The following MTUS2 variants were observed in gnomAD, a reference collection of about 807,000 sequenced individuals.
MTUS2 encodes the protein microtubule-associated tumor suppressor candidate 2.
A neutral mutation model predicts 114.1 loss-of-function variants in MTUS2; 40 were observed. The ratio of observed to expected loss-of-function variants is 0.35; its 90% CI spans 0.27 to 0.46. The LOEUF is 0.46. MTUS2 is among the 20% of genes least tolerant of loss of function. The pLI is 1.00. For synonymous variants in MTUS2, 688 were observed against 672.0 expected, an observed-to-expected ratio of 1.02 and a Z score of -0.37; for missense variants, 1,679 against 1,705.4, an observed-to-expected ratio of 0.98 and a Z score of 0.27.
At chr13:29,378,179 T>G (rs3125710) in intron 8 of MTUS2, among the ~76,000 whole-genome samples, 92,535 of 151,954 alleles carry the variant, frequency 0.61, 29,091 homozygotes, top group East Asian at 0.75. Flanking sequence ...GATTTTGGTG[T>G]TATTTATATG....
intron 5 of MTUS2, among the ~76,000 whole-genome samples, chr13:29,140,157 C>G (rs755475192): frequency 6.6e-5 from 10 of 152,130 alleles, no homozygotes; most frequent in Non-Finnish European, 1.3e-4. Flanking sequence ...TGCATAAAAT[C>G]TCTCCTGATT....
rs993206165 is a variant in MTUS2 at position 29,503,344 on chromosome 13, C to T, written c.*138C>T. On this transcript the variant is annotated 3_prime_UTR_variant, in exon 16 of 16. Transcript: ENST00000612955. ...GAATGCATCCTAGGCGCGTCCTCCT[C>T]TGATCCCCGTGTAAGACTGCCCTGG... 4.4e-6 allele frequency: 4 copies of T among 917,116 alleles called. No individual in the cohort carries two copies. In the African/African-American group the frequency reaches 6.6e-5, roughly 15 times the overall value. The allele number at this position is 917,116 out of a possible 1,614,324, so 56.8% of individuals were successfully genotyped here. A position where few individuals can be genotyped will look rare whatever the true frequency, so the allele number is the denominator to read the frequency against.
At chr13:29,224,808 A>G (rs1015471152) in intron 5 of MTUS2, among the ~76,000 whole-genome samples, 6 of 151,914 alleles carry the variant, frequency 3.9e-5, no homozygotes, top group African/African-American at 7.3e-5. Context: ...TGCCCTCCCT[A>G]TTTAGTGGTT....
chr13:29,286,755 A>G (rs984348627), intron 6 of MTUS2, among the ~76,000 whole-genome samples: 1 of 150,776 alleles, frequency 6.6e-6, no homozygotes, highest in Non-Finnish European at 1.5e-5. Flanking sequence ...CAGTGGCACG[A>G]CCTCAGCTCA....
At chr13:29,203,501 C>T (rs1464399873) in intron 5 of MTUS2, among the ~76,000 whole-genome samples, 1 of 151,820 alleles carries the variant, frequency 6.6e-6, no homozygotes, top group East Asian at 1.9e-4. Context: ...GGCTTCAGCC[C>T]CCTTTCCAGG....
chr13:28,903,252 C>CTTATT (rs552615715), intron 2 of MTUS2, among the ~76,000 whole-genome samples: 210 of 151,740 alleles, frequency 1.4e-3, no homozygotes, highest in African/African-American at 4.3e-3. Flanking sequence ...TCTTTTCTTT[C>CTTATT]TTATTTTATT....
At chr13:28,938,084 A>G (rs1164431596) in intron 2 of MTUS2, among the ~76,000 whole-genome samples, 2 of 152,116 alleles carry the variant, frequency 1.3e-5, no homozygotes, top group African/African-American at 4.8e-5. Context: ...AACATCGCTG[A>G]CTTTATTAAA....
chr13:29,441,060 T>C (rs1877809265), intron 9 of MTUS2, among the ~76,000 whole-genome samples: 1 of 152,218 alleles, frequency 6.6e-6, no homozygotes, highest in South Asian at 2.1e-4. Flanking sequence ...CAATGGTCTC[T>C]TCTCCTCTCT....
intron 2 of MTUS2, among the ~76,000 whole-genome samples, chr13:29,023,493 C>T (rs1593391685): frequency 6.6e-6 from 1 of 152,076 alleles, no homozygotes; most frequent in African/African-American, 2.4e-5. Context: ...TTTTCTTGGT[C>T]GAATCATTTG....
intron 8 of MTUS2, among the ~76,000 whole-genome samples, chr13:29,436,819 CT>C (rs10715829): frequency 0.98 from 134,318 of 137,500 alleles, 65,604 homozygotes; most frequent in East Asian, 0.99. Context: ...TCTTTTCTTG[CT>C]TTTTTTTTTT....
intron 2 of MTUS2, among the ~76,000 whole-genome samples, chr13:28,842,678 G>A (rs1025931525): frequency 2.0e-5 from 3 of 152,188 alleles, no homozygotes; most frequent in East Asian, 3.8e-4. Context: ...CTGTAAAGAT[G>A]TATATACTCT....
chr13:29,159,972 T>C (rs1893024734), intron 5 of MTUS2, among the ~76,000 whole-genome samples: 1 of 152,226 alleles, frequency 6.6e-6, no homozygotes, highest in Non-Finnish European at 1.5e-5. Flanking sequence ...TACCATGCAA[T>C]CCAGTGATTG....
At chr13:29,149,599 C>G (rs1446868533) in intron 5 of MTUS2, among the ~76,000 whole-genome samples, 1 of 152,140 alleles carries the variant, frequency 6.6e-6, no homozygotes, top group Non-Finnish European at 1.5e-5. Flanking sequence ...TTGCCCATGC[C>G]TATGTCCTGA....
chr13:29,286,678 C>CTATCTATCTATCTATCTATCTATCTATA (rs1555261579), intron 6 of MTUS2, among the ~76,000 whole-genome samples: 1 of 151,028 alleles, frequency 6.6e-6, no homozygotes, highest in South Asian at 2.1e-4. Flanking sequence ...GTCTGTCTAT[C>CTATCTATCTATCTATCTATCTATCTATA]TATCTATCTA....
At chr13:29,252,167 A>G (rs1433207394) in intron 5 of MTUS2, among the ~76,000 whole-genome samples, 1 of 152,052 alleles carries the variant, frequency 6.6e-6, no homozygotes, top group African/African-American at 2.4e-5. Flanking sequence ...TATTTTTATA[A>G]TTACTATCTA....
chr13:29,041,360 T>G (rs193056540), intron 4 of MTUS2, among the ~76,000 whole-genome samples: 168 of 152,324 alleles, frequency 1.1e-3, no homozygotes, highest in Admixed American at 2.9e-3. Flanking sequence ...CCTTATGGTA[T>G]AGTTTGAAGT....
At chr13:29,303,306 G>C (rs569773300) in intron 6 of MTUS2, among the ~76,000 whole-genome samples, 1 of 152,342 alleles carries the variant, frequency 6.6e-6, no homozygotes, top group South Asian at 2.1e-4. Context: ...GGCTAAGATG[G>C]CTGAATTGAC....
intron 2 of MTUS2, among the ~76,000 whole-genome samples, chr13:28,960,399 A>ACC (rs1883271517): frequency 6.6e-6 from 1 of 152,230 alleles, no homozygotes; most frequent in African/African-American, 2.4e-5. Flanking sequence ...AAGAGTGTGA[A>ACC]AACATACATG....
chr13:29,416,429 ACATATATGTAGCACATATATATAG>A (rs1469948794), intron 8 of MTUS2, among the ~76,000 whole-genome samples: 3 of 151,210 alleles, frequency 2.0e-5, no homozygotes, highest in East Asian at 1.9e-4. Flanking sequence ...ATTATATATA[ACATATATGTAGCACATATATATAG>A]CATATATATA....
Sources: gnomAD v4.1 joint callset for allele counts (sites outside exome capture counted in the v4.1 genomes callset) on GRCh38, gnomAD v4.1.1 for gene constraint, MANE v1.5 for transcripts, NCBI Gene and HGNC (gene_info 2026-07-23, HGNC 2026-07-21) for gene names.